The following FAM13A variants were observed in gnomAD, a reference collection of about 807,000 sequenced individuals.
The protein encoded by FAM13A is family with sequence similarity 13 member A.
A neutral mutation model predicts 129.6 loss-of-function variants in FAM13A; 76 were observed. The ratio of observed to expected loss-of-function variants is 0.59; its 90% CI spans 0.49 to 0.71. The LOEUF (loss-of-function observed/expected upper bound fraction) is 0.71. Ranked by LOEUF, FAM13A falls within the 30% of genes least tolerant of loss-of-function variation. The pLI, the probability that FAM13A is intolerant of heterozygous loss-of-function variation, is 0.00. For synonymous variants in FAM13A, 443 were observed against 449.9 expected (o/e 0.98, Z 0.20); for missense variants, 1,108 against 1,249.3 (o/e 0.89, Z 1.70).
chr4:88,755,601 G>A (rs1047391062), intron 14 of FAM13A, among the ~76,000 whole-genome samples: 2 of 152,188 alleles, frequency 1.3e-5, no homozygotes, highest in African/African-American at 2.4e-5. Flanking sequence ...GGCATCAGGT[G>A]CAAATGAGGA....
At chr4:88,787,178 T>C (rs1052726457) in intron 10 of FAM13A, among the ~76,000 whole-genome samples, 2 of 152,174 alleles carry the variant, frequency 1.3e-5, no homozygotes, top group African/African-American at 4.8e-5. Context: ...TGTAACACTA[T>C]TCTTAAAATT....
At chr4:88,849,991 G>A (rs953848563) in intron 7 of FAM13A, among the ~76,000 whole-genome samples, 1 of 151,528 alleles carries the variant, frequency 6.6e-6, no homozygotes, top group Non-Finnish European at 1.5e-5. Flanking sequence ...TATCATCTTC[G>A]CCATCTAAAT....
chr4:88,731,267 AG>A, intron 23 of FAM13A, 59 bp downstream of exon 23: 1 of 652,772 alleles, frequency 1.5e-6, no homozygotes. Flanking sequence ...GAAAAACAAG[AG>A]GGATGGGTGT....
intron 2 of FAM13A, among the ~76,000 whole-genome samples, chr4:89,025,242 A>ATTTTTTT (rs1560851172): frequency 1.3e-4 from 7 of 55,452 alleles, no homozygotes; most frequent in Non-Finnish European, 2.0e-4. Flanking sequence ...CCATGGAATC[A>ATTTTTTT]TTGTTTTTTT....
chr4:89,046,571 C>T (rs954984079), intron 1 of FAM13A, among the ~76,000 whole-genome samples: 27 of 152,154 alleles, frequency 1.8e-4, no homozygotes, highest in Admixed American at 9.8e-4. Flanking sequence ...AAAGAGTGGC[C>T]GGGCACAGTA....
At chr4:89,047,507 A>C (rs1311738548) in intron 1 of FAM13A, among the ~76,000 whole-genome samples, 1 of 152,174 alleles carries the variant, frequency 6.6e-6, no homozygotes, top group East Asian at 1.9e-4. Flanking sequence ...CAGACCAAAC[A>C]AAAAAAGTTT....
chr4:88,995,844 C>T (rs541036162), intron 3 of FAM13A, among the ~76,000 whole-genome samples: 62 of 152,276 alleles, frequency 4.1e-4, no homozygotes, highest in African/African-American at 1.5e-3. Flanking sequence ...GAAACATATT[C>T]TAATCGAGGG....
At chr4:88,897,851 G>A (rs1746610823) in intron 6 of FAM13A, among the ~76,000 whole-genome samples, 1 of 152,128 alleles carries the variant, frequency 6.6e-6, no homozygotes, top group African/African-American at 2.4e-5. Context: ...TAGTTCACAA[G>A]CTCTGCCTCA....
chr4:88,938,420 G>A (rs1412431933), intron 4 of FAM13A, among the ~76,000 whole-genome samples, 179 bp from the exon 5 acceptor site: 2 of 152,180 alleles, frequency 1.3e-5, no homozygotes, highest in Non-Finnish European at 1.5e-5. Flanking sequence ...GAGTTCCCAA[G>A]TTCTGAATCA....
chr4:89,011,465 G>T (rs1006167134), intron 3 of FAM13A, among the ~76,000 whole-genome samples: 13 of 152,120 alleles, frequency 8.5e-5, no homozygotes, highest in Admixed American at 1.3e-4. Flanking sequence ...TAGCCTTCTA[G>T]ATGTTCTCTC....
chr4:88,958,820 GA>G (rs1560538858), intron 4 of FAM13A, among the ~76,000 whole-genome samples: 1 of 152,224 alleles, frequency 6.6e-6, no homozygotes, highest in Admixed American at 6.5e-5. Flanking sequence ...CCTCAAGGCA[GA>G]AAAGCCACAG....
intron 6 of FAM13A, among the ~76,000 whole-genome samples, chr4:88,858,573 A>G (rs924073570): frequency 6.6e-6 from 1 of 152,208 alleles, no homozygotes; most frequent in Non-Finnish European, 1.5e-5. Flanking sequence ...AATGAAAGGA[A>G]TGAAGTACAT....
At position 88,727,795 on chromosome 4, in the gene FAM13A, GCATT is replaced by G. The variant is rs1410935938; in HGVS notation, c.*734_*737del. The G allele has an allele frequency of 1.4e-4, 22 of 152,224 alleles. No individual in the cohort carries two copies. Among genetic ancestry groups the G allele is most frequent in the African/African-American group, 4.3e-4 (18 of 41,440 alleles). The allele number at this position is 152,224 out of a possible 1,614,324, so 9.4% of individuals were successfully genotyped here. ...CTCCCATGACCTGGTTTTAAAATCA[GCATT>G]CATACAGCTGCTTACCATCTCTCTG... On this transcript the variant is annotated 3_prime_UTR_variant, in exon 24 of 24. Coordinates refer to ENST00000264344, the MANE Select transcript of FAM13A (RefSeq NM_014883.4).
intron 5 of FAM13A, chr4:88,936,895 A>G (rs541634338): frequency 2.0e-5 from 3 of 152,204 alleles, no homozygotes; most frequent in African/African-American, 4.8e-5. Flanking sequence ...AAAGTTAATT[A>G]CCTTTTAACA....
At chr4:88,906,705 T>A (rs1445388693) in intron 5 of FAM13A, among the ~76,000 whole-genome samples, 13 of 152,188 alleles carry the variant, frequency 8.5e-5, no homozygotes, top group Admixed American at 7.9e-4. Flanking sequence ...TATTCAGAGA[T>A]GATCATTAAA....
intron 1 of FAM13A, among the ~76,000 whole-genome samples, chr4:89,051,001 CT>C (rs1209435684): frequency 6.6e-6 from 1 of 152,058 alleles, no homozygotes; most frequent in East Asian, 1.9e-4. Context: ...GTCTGTTGTA[CT>C]ACCTAAGAAA....
intron 18 of FAM13A, 114 bp downstream of exon 18, chr4:88,747,517 C>G: frequency 1.2e-6 from 1 of 857,072 alleles, no homozygotes; most frequent in South Asian, 1.5e-5. Flanking sequence ...ACGTAACAGC[C>G]TGGAAGGCTT....
intron 6 of FAM13A, among the ~76,000 whole-genome samples, chr4:88,875,872 C>A (rs879825188): frequency 6.6e-6 from 1 of 152,104 alleles, no homozygotes; most frequent in Non-Finnish European, 1.5e-5. Flanking sequence ...TTCACAATAG[C>A]AAAGACTTGA....
intron 5 of FAM13A, among the ~76,000 whole-genome samples, chr4:88,917,825 A>T (rs1333229232): frequency 6.6e-6 from 1 of 152,170 alleles, no homozygotes; most frequent in Non-Finnish European, 1.5e-5. Context: ...CTCCTATTGG[A>T]TACAGTGTTT....
Sources: gnomAD v4.1 joint callset for allele counts (sites outside exome capture counted in the v4.1 genomes callset) on GRCh38, gnomAD v4.1.1 for gene constraint, MANE v1.5 for transcripts, NCBI Gene and HGNC (gene_info 2026-07-23, HGNC 2026-07-21) for gene names.